Variants in KLF10 observed in about 807,000 individuals in gnomAD.
KLF10 encodes KLF transcription factor 10.
KLF10 carries 17 observed loss-of-function variants against 31.6 expected under a neutral mutation model. The ratio of observed to expected loss-of-function variants is 0.54; its 90% confidence interval spans 0.37 to 0.81. KLF10 has a LOEUF of 0.81. Among genes scored for constraint, KLF10 ranks in the 30% least tolerant of loss-of-function variants. The probability of loss-of-function intolerance (pLI) is 0.00; values close to 1 mark genes in which losing one functional copy is unlikely to be tolerated. For synonymous variants in KLF10, 239 were observed against 215.1 expected (o/e 1.11, Z -0.97); for missense variants, 525 against 598.1 (o/e 0.88, Z 1.27).
rs776661632 is a variant in KLF10 at position 102,650,161 on chromosome 8, G to A, written c.1414C>T (p.Leu472=). 1 of 1,614,222 alleles carries A rather than the reference G, an allele frequency of 6.2e-7. No homozygotes were observed. The highest frequency in any genetic ancestry group is 1.7e-5 in the Admixed American group (1 of 60,032). ...TGTGTGGGAGCAGGGGTTGGAGGTA[G>A]AGCAATGTCATTTAGCTTGCTCACT... ...MEVSKLNDIA[L]PPTPAPTQ The change falls in exon 4 of 4, where the codon CTA becomes TTA. Residue 472 remains leucine (L), a synonymous_variant. Coordinates refer to ENST00000285407, the MANE Select transcript of KLF10 (RefSeq NM_005655.4).
At chr8:102,654,995 C>T (rs1587836618) in intron 1 of KLF10, among the ~76,000 whole-genome samples, 1 of 152,100 alleles carries the variant, frequency 6.6e-6, no homozygotes, top group Non-Finnish European at 1.5e-5. Context: ...CAGCCCCGAG[C>T]TATCTGCTGA....
At position 102,650,376 on chromosome 8, in the gene KLF10, C is replaced by T. The variant is rs1827176198; in HGVS notation, c.1199G>A (p.Ser400Asn). 1 of 1,612,904 alleles carries T rather than the reference C, an allele frequency of 6.2e-7. No individual in the cohort carries two copies. Among genetic ancestry groups the T allele is most frequent in the South Asian group, 1.1e-5 (1 of 91,044 alleles). The change falls in exon 4 of 4, where the codon AGC (serine) becomes AAC (asparagine). Residue 400 changes from serine to asparagine, a missense_variant. This residue lies in a region of KLF10 where 49 missense variants were observed against 105.0 expected (regional missense o/e 0.47). Transcript: ENST00000285407. The part of the protein sequence containing the change: ...TRTHTGEKPF[S>N]CSWKGCERRF... Reference sequence around the variant, plus strand: ...CCTTTCACAACCTTTCCAGCTACAGCTGAAAGGCTTTTCTCCTAAAACAAA... The same window carrying T: ...CCTTTCACAACCTTTCCAGCTACAGTTGAAAGGCTTTTCTCCTAAAACAAA...
At chr8:102,650,935 TCAAA>T (rs1827193214) in intron 3 of KLF10, among the ~76,000 whole-genome samples, 1 of 152,178 alleles carries the variant, frequency 6.6e-6, no homozygotes, top group African/African-American at 2.4e-5. Context: ...ACTCCTATGC[TCAAA>T]CAATCCTCCC....
intron 1 of KLF10, chr8:102,653,728 C>T (rs1385749733): frequency 1.7e-6 from 2 of 1,180,244 alleles, no homozygotes; most frequent in Non-Finnish European, 2.1e-6. Context: ...TGTGTAACAG[C>T]CCCAAGACGC....
At chr8:102,654,767 C>G (rs906610875) in intron 1 of KLF10, among the ~76,000 whole-genome samples, 1 of 151,786 alleles carries the variant, frequency 6.6e-6, no homozygotes, top group African/African-American at 2.4e-5. Context: ...CGGCCCAGCT[C>G]CCCCCGCCCA....
chr8:102,655,608 C>T lies in KLF10; in HGVS notation c.-7G>A. ...AGGCACCGAAGTTGAGCATGGTTGGCTGCTTGGCCGCCGGCGGCAAGCTGA... is the reference window on the plus strand; with the variant it reads ...AGGCACCGAAGTTGAGCATGGTTGGTTGCTTGGCCGCCGGCGGCAAGCTGA... On this transcript the variant is annotated 5_prime_UTR_variant, in exon 1 of 4. Coordinates refer to ENST00000285407, the MANE Select transcript of KLF10 (RefSeq NM_005655.4). 6.2e-7 allele frequency: 1 copy of T among 1,614,010 alleles called. No individual in the cohort carries two copies.
Position 102,655,643 on chromosome 8 carries a change from A to T in KLF10, c.-42T>A. 1 of 1,611,318 alleles carries T rather than the reference A, an allele frequency of 6.2e-7. No homozygotes were observed. The highest frequency in any genetic ancestry group is 8.5e-7 in the Non-Finnish European group (1 of 1,178,596). ...GCCGGCGGCAAGCTGACTGGCTGCT[A>T]GGCTGCTGGCTGCTTGGCCACAGAC... is the stretch of plus-strand genomic sequence containing the variant. On this transcript the variant is annotated 5_prime_UTR_variant, in exon 1 of 4. Coordinates refer to ENST00000285407, the MANE Select transcript of KLF10 (RefSeq NM_005655.4).
chr8:102,652,507 T>C lies in KLF10; in HGVS notation c.37-110A>G, dbSNP rs182907838. The C allele has an allele frequency of 5.9e-4, 354 of 599,508 alleles. 2 individuals are homozygous for C. The African/African-American group carries it at 6.0e-3, about 10-fold the overall frequency. The allele number at this position is 599,508 out of a possible 1,614,324, so 37.1% of individuals were successfully genotyped here. A position where few individuals can be genotyped will look rare whatever the true frequency, so the allele number is the denominator to read the frequency against. On this transcript the variant is annotated intron_variant, in intron 1 of 3. Coordinates refer to ENST00000285407, the MANE Select transcript of KLF10 (RefSeq NM_005655.4). ...TTTTTTTTTACAACTCACACAACTT[T>C]CCAAATTAAAATCAGAAATAATTTT...
At position 102,650,367 on chromosome 8, in the gene KLF10, C is replaced by A. The variant is rs1463030907; in HGVS notation, c.1208G>T (p.Trp403Leu). The change falls in exon 4 of 4, where the codon TGG becomes TTG. Residue 403 changes from tryptophan (W) to leucine (L), a missense_variant. Around this residue, in one of 3 missense-constraint regions of KLF10, gnomAD observed 49 missense variants for 105.0 expected, o/e 0.47. Transcript: ENST00000285407. ...HTGEKPFSCS[W>L]KGCERRFARS... ...GGCAAACCTCCTTTCACAACCTTTC[C>A]AGCTACAGCTGAAAGGCTTTTCTCC... The A allele has an allele frequency of 6.2e-7, 1 of 1,613,650 alleles. No individual in the cohort carries two copies. The highest frequency in any genetic ancestry group is 1.1e-5 in the South Asian group (1 of 91,068).
In KLF10 at chr8:102,649,773, T is replaced by C. The variant is rs1313599208; in HGVS notation, c.*359A>G. 2 of 239,786 alleles carry C rather than the reference T, an allele frequency of 8.3e-6. No individual in the cohort carries two copies. The highest frequency in any genetic ancestry group is 1.6e-5 in the Non-Finnish European group (2 of 121,968). The allele number at this position is 239,786 out of a possible 1,614,324, so 14.9% of individuals were successfully genotyped here. A position where few individuals can be genotyped will look rare whatever the true frequency, so the allele number is the denominator to read the frequency against. ...TCTTGAAACCAGTGCTTTAGAAGAA[T>C]CACATTGAAAAGTTGGTCTCAAGTA... On this transcript the variant is annotated 3_prime_UTR_variant, in exon 4 of 4. Coordinates refer to ENST00000285407, the MANE Select transcript of KLF10 (RefSeq NM_005655.4).
chr8:102,655,506 C>A (rs1379192154), intron 1 of KLF10, 60 bp downstream of exon 1: 2 of 1,606,148 alleles, frequency 1.2e-6, no homozygotes, highest in Admixed American at 3.3e-5. Flanking sequence ...GTTCGCGCCC[C>A]CTTTGGCCCC....
chr8:102,653,066 ATTAT>A (rs1339723997), intron 1 of KLF10, among the ~76,000 whole-genome samples: 1 of 152,236 alleles, frequency 6.6e-6, no homozygotes, highest in African/African-American at 2.4e-5. Context: ...TTAAAATTGC[ATTAT>A]TTAAGATCTA....
At chr8:102,655,468 C>A in intron 1 of KLF10, 98 bp downstream of exon 1, 1 of 1,477,660 alleles carries the variant, frequency 6.8e-7, no homozygotes, top group Non-Finnish European at 9.5e-7. Flanking sequence ...CCCCAATTCT[C>A]AGGCATGGCT....
In KLF10 at chr8:102,652,403, A is replaced by G. The variant is rs1462311074; in HGVS notation, c.37-6T>C. 6.6e-7 allele frequency: 1 copy of G among 1,520,638 alleles called. No individual in the cohort carries two copies. Among genetic ancestry groups the G allele is most frequent in the South Asian group, 1.2e-5 (1 of 80,460 alleles). The allele number at this position is 1,520,638 out of a possible 1,614,324, so 94.2% of individuals were successfully genotyped here. The stretch of plus-strand genomic sequence containing the variant: ...ATCATTTCCATTCTTTCCTCCTATA[A>G]AAACAAAAGAGGAAAGCTTATAAGC... On this transcript the variant is annotated splice_polypyrimidine_tract_variant and splice_region_variant and intron_variant, in intron 1 of 3. Transcript: ENST00000285407.
chr8:102,651,742 C>T lies in KLF10; in HGVS notation c.590G>A (p.Arg197Lys). The T allele has an allele frequency of 6.2e-7, 1 of 1,614,258 alleles. No individual in the cohort carries two copies. Among genetic ancestry groups the T allele is most frequent in the Non-Finnish European group, 8.5e-7 (1 of 1,180,046 alleles). Reference protein sequence around the residue: ...RRTHLNVEAARKNIPCAAVSP... With the variant: ...RRTHLNVEAAKKNIPCAAVSP... Reference sequence around the variant, plus strand: ...CACAGCGGCACATGGTATGTTCTTTCTTGCAGCCTCAACATTTAGGTGGGT... The same window carrying T: ...CACAGCGGCACATGGTATGTTCTTTTTTGCAGCCTCAACATTTAGGTGGGT... The change falls in exon 3 of 4, where the codon AGA (arginine) becomes AAA (lysine). Residue 197 changes from arginine (R) to lysine (K), a missense_variant. Around this residue, in one of 3 missense-constraint regions of KLF10, gnomAD observed 434 missense variants for 450.7 expected, o/e 0.96. Coordinates refer to ENST00000285407, the MANE Select transcript of KLF10 (RefSeq NM_005655.4).
intron 1 of KLF10, among the ~76,000 whole-genome samples, chr8:102,654,714 C>A (rs1474502051): frequency 1.3e-5 from 2 of 151,664 alleles, no homozygotes; most frequent in African/African-American, 2.4e-5. Context: ...AGACGTGCAG[C>A]CCCCACAGGC....
In KLF10 at chr8:102,651,424, G is replaced by C; in HGVS notation, c.908C>G (p.Pro303Arg). Residue 303 changes from proline (P) to arginine (R), a missense_variant, in exon 3 of 4, where the codon CCC becomes CGC. This residue lies in a region of KLF10 where 434 missense variants were observed against 450.7 expected (regional missense o/e 0.96). Transcript: ENST00000285407. The stretch of plus-strand genomic sequence containing the variant: ...TTGTGTGCCCATGAACACAACAGGG[G>C]GGCAAACGGCTGGTGGCTGGCTGGG... Reference protein sequence around the residue: ...TPPSQPPAVCPPVVFMGTQVP... With the variant: ...TPPSQPPAVCRPVVFMGTQVP... 1 of 1,613,640 alleles carries C rather than the reference G, an allele frequency of 6.2e-7. No individual in the cohort carries two copies. Among genetic ancestry groups the C allele is most frequent in the Non-Finnish European group, 8.5e-7 (1 of 1,179,744 alleles).
rs939120259 is a variant in KLF10 at position 102,655,716 on chromosome 8, C to A, written c.-115G>T. On this transcript the variant is annotated 5_prime_UTR_variant, in exon 1 of 4. Coordinates refer to ENST00000285407, the MANE Select transcript of KLF10 (RefSeq NM_005655.4). ...CCGCTCCCGCCGCCGCCGCGCTCAG[C>A]GCCGTCTGCCCCCTCCCCATTCAGG... 1 of 1,217,970 alleles carries A rather than the reference C, an allele frequency of 8.2e-7. No homozygotes were observed. Among genetic ancestry groups the A allele is most frequent in the African/African-American group, 1.5e-5 (1 of 66,580 alleles). The allele number at this position is 1,217,970 out of a possible 1,614,324, so 75.4% of individuals were successfully genotyped here.
In KLF10 at chr8:102,651,464, C is replaced by T. The variant is rs201521683; in HGVS notation, c.868G>A (p.Val290Ile). The T allele has an allele frequency of 1.7e-5, 28 of 1,613,786 alleles. No homozygotes were observed. The highest frequency in any genetic ancestry group is 4.5e-5 in the East Asian group (2 of 44,888). The change falls in exon 3 of 4, where the codon GTT (valine) becomes ATT (isoleucine). Residue 290 changes from valine to isoleucine, a missense_variant. By Grantham distance (29) the Val-to-Ile change is conservative (BLOSUM62 3). Around this residue, in one of 3 missense-constraint regions of KLF10, gnomAD observed 434 missense variants for 450.7 expected, o/e 0.96. Coordinates refer to ENST00000285407, the MANE Select transcript of KLF10 (RefSeq NM_005655.4). ...GGCTGGCTGGGAGGAGTGCTGGGAA[C>T]GACTGTTGTCACAACAGGGTTGTTG... ...PANNPVVTTV[V>I]PSTPPSQPPA...
Sources: allele counts gnomAD v4.1 joint callset (sites outside exome capture counted in the v4.1 genomes callset), GRCh38; gene constraint gnomAD v4.1.1; regional missense constraint gnomAD v4.1.1; transcripts MANE v1.5; gene names NCBI Gene and HGNC (gene_info 2026-07-23, HGNC 2026-07-21).